ARHGEF38: variants seen among roughly 807,000 people sequenced by gnomAD.
ARHGEF38 encodes Rho guanine nucleotide exchange factor (GEF) 38.
A neutral mutation model predicts 79.9 loss-of-function variants in ARHGEF38; 79 were observed. The observed-to-expected ratio is 0.99, with a 90% CI of 0.82 to 1.19. The LOEUF (loss-of-function observed/expected upper bound fraction) is 1.19. ARHGEF38 is among the 50% of genes most tolerant of loss of function. The pLI is 0.00. For synonymous variants in ARHGEF38, 366 were observed against 328.3 expected, an observed-to-expected ratio of 1.11 and a Z score of -1.24; for missense variants, 962 against 907.2, an observed-to-expected ratio of 1.06 and a Z score of -0.78.
intron 10 of ARHGEF38, among the ~76,000 whole-genome samples, chr4:105,660,246 C>T (rs1483709223): frequency 2.0e-5 from 3 of 152,190 alleles, no homozygotes; most frequent in East Asian, 1.9e-4. Context: ...TCGCCACTCT[C>T]ATCCCCATTT....
At chr4:105,568,028 C>T (rs1479897086) in intron 1 of ARHGEF38, among the ~76,000 whole-genome samples, 4 of 144,406 alleles carry the variant, frequency 2.8e-5, no homozygotes, top group Non-Finnish European at 6.0e-5. Context: ...TGAGAATATG[C>T]GGTGTTTGGT....
intron 2 of ARHGEF38, among the ~76,000 whole-genome samples, chr4:105,598,975 G>T (rs567218719): frequency 1.1e-4 from 16 of 152,150 alleles, no homozygotes; most frequent in Non-Finnish European, 1.9e-4. Context: ...CTCAAGTACT[G>T]ACACTGAGTC....
intron 2 of ARHGEF38, among the ~76,000 whole-genome samples, chr4:105,608,144 C>T (rs904902405): frequency 6.6e-6 from 1 of 152,096 alleles, no homozygotes; most frequent in Non-Finnish European, 1.5e-5. Flanking sequence ...AACCTCCATA[C>T]TATTTTCCAT....
chr4:105,613,593 A>G, intron 3 of ARHGEF38, 86 bp downstream of exon 3: 1 of 1,458,468 alleles, frequency 6.9e-7, no homozygotes, highest in Non-Finnish European at 9.4e-7. Flanking sequence ...TTTGTTCCTG[A>G]CTCACCATGC....
intron 1 of ARHGEF38, among the ~76,000 whole-genome samples, chr4:105,564,804 G>C (rs1197942807): frequency 1.3e-5 from 2 of 152,144 alleles, no homozygotes; most frequent in African/African-American, 4.8e-5. Flanking sequence ...TGAAATATTT[G>C]AAGATATTTA....
chr4:105,621,874 C>A (rs1042369182), intron 3 of ARHGEF38, among the ~76,000 whole-genome samples: 1 of 152,044 alleles, frequency 6.6e-6, no homozygotes, highest in African/African-American at 2.4e-5. Flanking sequence ...TTGGGGGACA[C>A]CCAGATGCAA....
intron 1 of ARHGEF38, among the ~76,000 whole-genome samples, chr4:105,556,296 C>A (rs917750452): frequency 2.6e-5 from 4 of 152,070 alleles, no homozygotes; most frequent in African/African-American, 9.7e-5. Context: ...ATTACAACTA[C>A]AAAATCATCA....
chr4:105,648,819 C>CCTCTCT lies in ARHGEF38; in HGVS notation c.1008+160_1008+165dup, dbSNP rs71586108. 594 of 491,242 alleles carry CCTCTCT rather than the reference C, an allele frequency of 1.2e-3. 6 individuals carry two copies. The highest frequency in any genetic ancestry group is 0.011 in the African/African-American group (506 of 44,880). 30.4% of individuals were successfully genotyped at this position (491,242 alleles called of 1,614,324 possible). A position where few individuals can be genotyped will look rare whatever the true frequency, so the allele number is the denominator to read the frequency against. ...TTGCCCTATGCTGTTCTCTTGTCTC[C>CCTCTCT]CTCTCTCTCTCTCTCTCTCTCTCTC... On this transcript the variant is annotated intron_variant, in intron 7 of 13. Transcript: ENST00000420470.
chr4:105,648,767 T>C lies in ARHGEF38; in HGVS notation c.1008+85T>C, dbSNP rs138247322. 2,910 of 1,346,916 alleles carry C rather than the reference T, an allele frequency of 2.2e-3. 9 individuals are homozygous for C. The highest frequency in any genetic ancestry group is 4.5e-3 in the Middle Eastern group (24 of 5,312). The allele number at this position is 1,346,916 out of a possible 1,614,324, so 83.4% of individuals were successfully genotyped here. On this transcript the variant is annotated intron_variant, in intron 7 of 13. Transcript: ENST00000420470. ...GTGAGGTTTTGTTTTGTGAGGACTA[T>C]TTCTAGAATACTGAGAATCAAGGTA... is the stretch of plus-strand genomic sequence containing the variant.
intron 3 of ARHGEF38, among the ~76,000 whole-genome samples, chr4:105,630,001 C>T (rs888769882): frequency 1.3e-5 from 2 of 152,134 alleles, no homozygotes; most frequent in Non-Finnish European, 2.9e-5. Context: ...TTACCCAGCA[C>T]TTGAAATTTC....
At chr4:105,585,726 CTTTTT>C (rs3056719) in intron 1 of ARHGEF38, among the ~76,000 whole-genome samples, 12 of 71,508 alleles carry the variant, frequency 1.7e-4, no homozygotes, top group Admixed American at 5.3e-4. Context: ...CCCTCCGTTG[CTTTTT>C]TTTTTTTTTT....
intron 8 of ARHGEF38, 57 bp from the exon 9 acceptor site, chr4:105,655,546 G>C: frequency 6.6e-7 from 1 of 1,510,156 alleles, no homozygotes; most frequent in Non-Finnish European, 8.8e-7. Context: ...TTTGGGATAT[G>C]TTAATTATAC....
intron 2 of ARHGEF38, among the ~76,000 whole-genome samples, chr4:105,604,563 T>C (rs10021951): frequency 0.011 from 1,742 of 152,282 alleles, 27 homozygotes; most frequent in African/African-American, 0.04. Context: ...TATTGAAGAT[T>C]AGAACTTTGT....
chr4:105,673,691 G>A (rs1348311582), intron 13 of ARHGEF38, among the ~76,000 whole-genome samples: 1 of 152,074 alleles, frequency 6.6e-6, no homozygotes, highest in Non-Finnish European at 1.5e-5. Flanking sequence ...AAAAATGGAA[G>A]GAAGGAAAGA....
chr4:105,661,804 G>T (rs1730575454), intron 10 of ARHGEF38, among the ~76,000 whole-genome samples: 1 of 151,890 alleles, frequency 6.6e-6, no homozygotes, highest in South Asian at 2.1e-4. Flanking sequence ...ACCATACATT[G>T]TTTGACCTGT....
intron 2 of ARHGEF38, among the ~76,000 whole-genome samples, chr4:105,598,869 G>A (rs1727701572): frequency 6.6e-6 from 1 of 152,064 alleles, no homozygotes; most frequent in South Asian, 2.1e-4. Flanking sequence ...TGTGTTGGAG[G>A]TTAAAAATGT....
intron 5 of ARHGEF38, 55 bp from the exon 6 acceptor site, chr4:105,645,133 A>T: frequency 8.5e-7 from 1 of 1,174,796 alleles, no homozygotes; most frequent in Non-Finnish European, 1.1e-6. Flanking sequence ...CAAAAATGAA[A>T]ATGTGTTAAT....
At chr4:105,627,066 C>G (rs77664158) in intron 3 of ARHGEF38, among the ~76,000 whole-genome samples, 1 of 152,110 alleles carries the variant, frequency 6.6e-6, no homozygotes, top group East Asian at 1.9e-4. Flanking sequence ...GTATGGTAAA[C>G]GGAAGTTCAG....
intron 1 of ARHGEF38, among the ~76,000 whole-genome samples, chr4:105,562,603 AT>A (rs1454320457): frequency 1.3e-5 from 2 of 152,216 alleles, no homozygotes. Flanking sequence ...TTTTAAATGA[AT>A]TTATTCAACA....
Sources: allele counts gnomAD v4.1 joint callset (sites outside exome capture counted in the v4.1 genomes callset), GRCh38; gene constraint gnomAD v4.1.1; transcripts MANE v1.5; gene names NCBI Gene and HGNC (gene_info 2026-07-23, HGNC 2026-07-21).